RBM18: variants seen among roughly 807,000 people sequenced by gnomAD.
RBM18 encodes the protein RNA binding motif protein 18.
In RBM18, 18 loss-of-function variants were observed where a neutral mutation model predicts 26.4. The ratio of observed to expected loss-of-function variants is 0.68; its 90% CI spans 0.47 to 1.01. The LOEUF (loss-of-function observed/expected upper bound fraction) is 1.01. Among genes scored for constraint, RBM18 ranks in the 50% least tolerant of loss-of-function variants. The pLI is 0.00. For missense variants in RBM18, 180 were observed against 219.2 expected, an observed-to-expected ratio of 0.82 and a Z score of 1.13; for synonymous variants, 74 against 81.1, an observed-to-expected ratio of 0.91 and a Z score of 0.47.
At chr9:122,255,379 G>C (rs1389865072) in intron 2 of RBM18, among the ~76,000 whole-genome samples, 3 of 152,162 alleles carry the variant, frequency 2.0e-5, no homozygotes, top group African/African-American at 7.2e-5. Context: ...CACTGTTCTT[G>C]CATGCTCATG....
chr9:122,254,208 C>A (rs1228167581), intron 2 of RBM18: 12 of 240,948 alleles, frequency 5.0e-5, no homozygotes, highest in South Asian at 1.5e-4. Context: ...AAAAAAAAAA[C>A]ACACACACCA....
intron 2 of RBM18, among the ~76,000 whole-genome samples, chr9:122,260,343 T>TAAAAAC (rs1413812089): frequency 4.6e-5 from 7 of 152,030 alleles, no homozygotes; most frequent in Middle Eastern, 6.8e-3. Flanking sequence ...AAGACTGTCT[T>TAAAAAC]AAAAACAAAA....
intron 4 of RBM18, 35 bp downstream of exon 4, chr9:122,247,483 T>C (rs1564455486): frequency 1.9e-6 from 3 of 1,562,546 alleles, no homozygotes; most frequent in Non-Finnish European, 2.6e-6. Flanking sequence ...TTGTTTAGGA[T>C]GAGGCTTGAT....
At position 122,239,576 on chromosome 9, in the gene RBM18, TTTAC is replaced by T. The variant is rs1399722914; in HGVS notation, c.*2304_*2307del. On this transcript the variant is annotated 3_prime_UTR_variant, in exon 6 of 6. Coordinates refer to ENST00000417201, the MANE Select transcript of RBM18 (RefSeq NM_033117.4). ...AATAACCAGTAAACCAAAGAATAAT[TTTAC>T]TTAAAGTACAGACAACCTCCTAACA... 1 of 152,212 alleles carries T rather than the reference TTTAC, an allele frequency of 6.6e-6. No homozygotes were observed. The highest frequency in any genetic ancestry group is 1.5e-5 in the Non-Finnish European group (1 of 68,036). 9.4% of individuals were successfully genotyped at this position (152,212 alleles called of 1,614,324 possible). A position where few individuals can be genotyped will look rare whatever the true frequency, so the allele number is the denominator to read the frequency against.
intron 3 of RBM18, among the ~76,000 whole-genome samples, chr9:122,248,801 C>T (rs553582583): frequency 4.6e-5 from 7 of 152,204 alleles, no homozygotes; most frequent in Non-Finnish European, 8.8e-5. Context: ...AGAGGAGGAA[C>T]AGGATGTCCC....
intron 1 of RBM18, among the ~76,000 whole-genome samples, chr9:122,264,175 C>A (rs1831901089): frequency 6.6e-6 from 1 of 152,192 alleles, no homozygotes; most frequent in African/African-American, 2.4e-5. Context: ...AGCCGCTTCT[C>A]CACTCGAAGA....
intron 2 of RBM18, among the ~76,000 whole-genome samples, chr9:122,257,020 G>T (rs573814186): frequency 6.6e-6 from 1 of 152,296 alleles, no homozygotes; most frequent in Non-Finnish European, 1.5e-5. Flanking sequence ...TAATCTCCAA[G>T]ATGTATTTAG....
At chr9:122,254,061 C>A (rs1471249490) in intron 2 of RBM18, among the ~76,000 whole-genome samples, 1 of 150,624 alleles carries the variant, frequency 6.6e-6, no homozygotes, top group Non-Finnish European at 1.5e-5. Context: ...CACAAAAACA[C>A]ACACACACAA....
chr9:122,251,150 C>T (rs1831599677), intron 3 of RBM18, among the ~76,000 whole-genome samples: 1 of 152,012 alleles, frequency 6.6e-6, no homozygotes, highest in African/African-American at 2.4e-5. Context: ...AACAATCTCC[C>T]CATCTCAGCC....
At chr9:122,252,978 C>G (rs1201406446) in intron 2 of RBM18, among the ~76,000 whole-genome samples, 1 of 152,198 alleles carries the variant, frequency 6.6e-6, no homozygotes, top group Non-Finnish European at 1.5e-5. Flanking sequence ...ACCAACAGCT[C>G]TCCCGTTTCC....
intron 2 of RBM18, among the ~76,000 whole-genome samples, chr9:122,260,698 G>C (rs916946608): frequency 1.3e-5 from 2 of 152,174 alleles, no homozygotes; most frequent in African/African-American, 4.8e-5. Flanking sequence ...AGCCTAAACA[G>C]GGATGGCCAA....
intron 3 of RBM18, 34 bp downstream of exon 3, chr9:122,251,813 T>C: frequency 6.3e-7 from 1 of 1,595,040 alleles, no homozygotes; most frequent in Non-Finnish European, 8.6e-7. Flanking sequence ...CAGAGCTTGA[T>C]AAATATTATA....
intron 1 of RBM18, among the ~76,000 whole-genome samples, chr9:122,262,923 AG>A (rs1165818797): frequency 1.3e-5 from 2 of 152,066 alleles, no homozygotes. Context: ...TTTCTTTCTG[AG>A]CTTCAGTTTA....
chr9:122,247,711 GT>G, intron 3 of RBM18, 107 bp from the exon 4 acceptor site: 4 of 737,268 alleles, frequency 5.4e-6, no homozygotes, highest in Non-Finnish European at 9.0e-6. Context: ...CTAACAAATT[GT>G]TTTTGGTAAA....
Position 122,241,696 on chromosome 9 carries a change from G to T in RBM18, c.*188C>A. ...GGATACAACGCTATTTATTCTGGAT[G>T]ATGCTCAATTCCATACATAGTTTAG... On this transcript the variant is annotated 3_prime_UTR_variant, in exon 6 of 6. Transcript: ENST00000417201. 1 of 512,676 alleles carries T rather than the reference G, an allele frequency of 2.0e-6. No individual in the cohort carries two copies. The highest frequency in any genetic ancestry group is 3.4e-6 in the Non-Finnish European group (1 of 293,368). The allele number at this position is 512,676 out of a possible 1,614,324, so 31.8% of individuals were successfully genotyped here.
chr9:122,251,682 A>C (rs1016133260), intron 3 of RBM18, among the ~76,000 whole-genome samples, 165 bp downstream of exon 3: 3 of 152,242 alleles, frequency 2.0e-5, no homozygotes, highest in African/African-American at 7.2e-5. Context: ...CCACTAATTC[A>C]TTTGTTTATT....
intron 2 of RBM18, among the ~76,000 whole-genome samples, chr9:122,253,765 C>A (rs898891741): frequency 4.6e-5 from 7 of 151,096 alleles, no homozygotes; most frequent in African/African-American, 1.5e-4. Flanking sequence ...GTGGCTCACG[C>A]CTGTAATCTC....
Position 122,254,361 on chromosome 9 carries a change from C to T in RBM18, c.114-2388G>A, listed in dbSNP as rs759488037. 1.2e-5 allele frequency: 11 copies of T among 895,060 alleles called. No homozygotes were observed. In the South Asian group the frequency reaches 3.6e-4, roughly 29 times the overall value. 55.4% of individuals were successfully genotyped at this position (895,060 alleles called of 1,614,324 possible). ...TTGTTTGATAATTTCTTAAAATTAT[C>T]GGAACACTGAAACAAAAGGAATGAA... On this transcript the variant is annotated intron_variant, in intron 2 of 5. Transcript: ENST00000417201.
chr9:122,247,481 G>A (rs1304210204), intron 4 of RBM18, 37 bp downstream of exon 4: 1 of 1,552,298 alleles, frequency 6.4e-7, no homozygotes, highest in South Asian at 1.1e-5. Flanking sequence ...GCTTGTTTAG[G>A]ATGAGGCTTG....
Sources: gnomAD v4.1 joint callset for allele counts (sites outside exome capture counted in the v4.1 genomes callset) on GRCh38, gnomAD v4.1.1 for gene constraint, MANE v1.5 for transcripts, NCBI Gene and HGNC (gene_info 2026-07-23, HGNC 2026-07-21) for gene names.